Variants in TLK1 observed in about 807,000 individuals in gnomAD.
The protein encoded by TLK1 is serine/threonine-protein kinase tousled-like 1.
A neutral mutation model predicts 105.3 loss-of-function variants in TLK1; 24 were observed. The observed-to-expected ratio is 0.23, with a 90% CI of 0.17 to 0.32. The LOEUF is 0.32. Ranked by LOEUF, TLK1 falls within the 10% of genes least tolerant of loss-of-function variation. The probability of loss-of-function intolerance (pLI) is 1.00; values close to 1 mark genes in which losing one functional copy is unlikely to be tolerated. For synonymous variants in TLK1, 321 were observed against 310.4 expected (o/e 1.03, Z -0.36); for missense variants, 558 against 910.5 (o/e 0.61, Z 4.98).
In TLK1 at chr2:171,117,873, A is replaced by AT. The variant is rs748092118; in HGVS notation, c.140-17_140-16insA. 6.5e-7 allele frequency: 1 copy of AT among 1,549,328 alleles called. No individual in the cohort carries two copies. Among genetic ancestry groups the AT allele is most frequent in the Non-Finnish European group, 8.9e-7 (1 of 1,128,634 alleles). On this transcript the variant is annotated splice_polypyrimidine_tract_variant and intron_variant, in intron 1 of 20. Transcript: ENST00000431350. ...TCCATTGCACCTATTAAGAAAAAAA[A>AT]ATATATATGTACACATATATATGTG... is the stretch of plus-strand genomic sequence containing the variant.
intron 11 of TLK1, among the ~76,000 whole-genome samples, chr2:171,043,501 A>G (rs1294844885): frequency 6.6e-6 from 1 of 152,188 alleles, no homozygotes; most frequent in Non-Finnish European, 1.5e-5. Flanking sequence ...AGAGAATGAA[A>G]GGATCACATT....
intron 1 of TLK1, among the ~76,000 whole-genome samples, chr2:171,184,296 T>C (rs1692982036): frequency 6.6e-6 from 1 of 152,108 alleles, no homozygotes; most frequent in Non-Finnish European, 1.5e-5. Flanking sequence ...TACTGAACAA[T>C]AAGAAAAGAA....
chr2:171,092,284 T>A (rs1256742214), intron 2 of TLK1, among the ~76,000 whole-genome samples: 1 of 152,166 alleles, frequency 6.6e-6, no homozygotes, highest in Non-Finnish European at 1.5e-5. Context: ...TGGACAAAAG[T>A]AGAAAACGAA....
chr2:171,167,328 G>T (rs1692627512), intron 1 of TLK1, among the ~76,000 whole-genome samples: 1 of 152,046 alleles, frequency 6.6e-6, no homozygotes, highest in Non-Finnish European at 1.5e-5. Flanking sequence ...CCTCTGCCTG[G>T]ACTCACCTCC....
chr2:171,145,174 G>A (rs1173650487), intron 1 of TLK1, among the ~76,000 whole-genome samples: 1 of 152,026 alleles, frequency 6.6e-6, no homozygotes, highest in African/African-American at 2.4e-5. Context: ...CAGGCGTGGA[G>A]ATGCACGCAT....
At chr2:171,180,485 T>C (rs1301602442) in intron 1 of TLK1, among the ~76,000 whole-genome samples, 2 of 152,176 alleles carry the variant, frequency 1.3e-5, no homozygotes, top group African/African-American at 4.8e-5. Context: ...GACTACAACA[T>C]GTTTTAACTA....
rs555742560 is a variant in TLK1, at chr2:171,109,722, A to G, written c.258+8017T>C. Among the ~76,000 whole-genome samples, 8 of 152,362 alleles carry G rather than the reference A, an allele frequency of 5.3e-5. No individual in the cohort carries two copies. The East Asian group carries it at 1.5e-3, about 29-fold the overall frequency. On this transcript the variant is annotated intron_variant, in intron 2 of 20. Transcript: ENST00000431350. ...ATTGTAACCTTACTCCTAACAGGCA[A>G]AATGAAAACATCCAAATACCACTCT...
intron 19 of TLK1, 21 bp from the exon 20 acceptor site, chr2:170,996,781 T>G: frequency 6.4e-7 from 1 of 1,561,060 alleles, no homozygotes; most frequent in Non-Finnish European, 8.7e-7. Flanking sequence ...AAATTAAATG[T>G]TGAGATACTT....
Position 171,006,302 on chromosome 2 carries a change from T to C in TLK1, c.1769-20A>G, listed in dbSNP as rs1684650527. The C allele has an allele frequency of 6.4e-7, 1 of 1,567,490 alleles. No homozygotes were observed. On this transcript the variant is annotated intron_variant, in intron 17 of 20. Coordinates refer to ENST00000431350, the MANE Select transcript of TLK1 (RefSeq NM_012290.5). ...TGTTTCCTAAGAATAAAATATAAGA[T>C]TCTTTTAATGATACATACATGAAAA...
rs1278628853 is a variant in TLK1, at chr2:171,051,402, G to A, written c.733-1228C>T. Among the ~76,000 whole-genome samples, 4 of 152,038 alleles carry A rather than the reference G, an allele frequency of 2.6e-5. No individual in the cohort carries two copies. In the East Asian group the frequency reaches 5.8e-4, roughly 22 times the overall value. On this transcript the variant is annotated intron_variant, in intron 8 of 20. Coordinates refer to ENST00000431350, the MANE Select transcript of TLK1 (RefSeq NM_012290.5). Reference sequence around the variant, plus strand: ...GCGAAGGATGGTTAATGAGATGCAAGCAGAAGTTGTTCAATGAGATATCCA... The same window carrying A: ...GCGAAGGATGGTTAATGAGATGCAAACAGAAGTTGTTCAATGAGATATCCA...
At chr2:171,229,067 A>C (rs2105334810) in intron 1 of TLK1, among the ~76,000 whole-genome samples, 1 of 152,180 alleles carries the variant, frequency 6.6e-6, no homozygotes, top group East Asian at 1.9e-4. Context: ...ACACCTCTCC[A>C]CCTCAGGGAA....
chr2:171,142,104 G>A (rs763038676), intron 1 of TLK1, among the ~76,000 whole-genome samples: 1 of 151,596 alleles, frequency 6.6e-6, no homozygotes, highest in Non-Finnish European at 1.5e-5. Flanking sequence ...ACACAGAAAG[G>A]AGGCATATTG....
intron 1 of TLK1, among the ~76,000 whole-genome samples, chr2:171,180,852 A>G (rs1466144788): frequency 1.4e-5 from 2 of 147,592 alleles, no homozygotes; most frequent in East Asian, 1.9e-4. Context: ...TTACTTTAGC[A>G]TAATGTTCAA....
rs374376727 is a variant in TLK1, at chr2:171,047,402, C to T, written c.981-1040G>A. On this transcript the variant is annotated intron_variant, in intron 10 of 20. Coordinates refer to ENST00000431350, the MANE Select transcript of TLK1 (RefSeq NM_012290.5). Reference sequence around the variant, plus strand: ...AGCAAGTCAAATATTTCATGCCCTCCTCTCCCCAACCACTGACATCAACTA... The same window carrying T: ...AGCAAGTCAAATATTTCATGCCCTCTTCTCCCCAACCACTGACATCAACTA... Among the ~76,000 whole-genome samples, 93 of 152,268 alleles carry T rather than the reference C, an allele frequency of 6.1e-4. 1 individual carries two copies. In the South Asian group the frequency reaches 0.019, roughly 31 times the overall value.
At chr2:171,161,614 CAGTA>C (rs1692502823), upstream of TLK1, among the ~76,000 whole-genome samples, 1 of 152,118 alleles carries the variant, frequency 6.6e-6, no homozygotes, top group Non-Finnish European at 1.5e-5. Context: ...TGTTTTAAAA[CAGTA>C]AGTGGAAAAT....
chr2:171,050,230 G>C (rs1687171882), intron 8 of TLK1, 56 bp from the exon 9 acceptor site: 1 of 1,234,236 alleles, frequency 8.1e-7, no homozygotes, highest in Non-Finnish European at 1.1e-6. Context: ...GAAAAGCTTA[G>C]AAATAGTTTT....
At chr2:171,069,500 C>T (rs964450360) in intron 3 of TLK1, among the ~76,000 whole-genome samples, 3 of 152,068 alleles carry the variant, frequency 2.0e-5, no homozygotes, top group South Asian at 2.1e-4. Context: ...CTGAGGATGG[C>T]GGTAACAAGG....
intron 11 of TLK1, among the ~76,000 whole-genome samples, chr2:171,044,998 A>G (rs1485953878): frequency 1.3e-5 from 2 of 152,112 alleles, no homozygotes; most frequent in African/African-American, 4.8e-5. Context: ...TGAAGAGAAC[A>G]TACAGAATAT....
intron 1 of TLK1, among the ~76,000 whole-genome samples, chr2:171,181,157 T>C (rs1692922817): frequency 6.6e-6 from 1 of 152,218 alleles, no homozygotes. Flanking sequence ...GTTTCTTTAA[T>C]GATCTTGAAA....
Sources: allele counts gnomAD v4.1 joint callset (sites outside exome capture counted in the v4.1 genomes callset), GRCh38; gene constraint gnomAD v4.1.1; transcripts MANE v1.5; gene names NCBI Gene and HGNC (gene_info 2026-07-23, HGNC 2026-07-21).